ZNF280D: variants seen among roughly 807,000 people sequenced by gnomAD.
ZNF280D encodes the protein zinc finger protein 280D.
Under a neutral mutation model 94.7 loss-of-function variants are expected in ZNF280D, and 39 were observed. That is an observed-to-expected ratio of 0.41 (90% CI 0.32 to 0.54). ZNF280D has a LOEUF of 0.54. Among genes scored for constraint, ZNF280D ranks in the 20% least tolerant of loss-of-function variants. ZNF280D has a pLI of 0.22. For synonymous variants in ZNF280D, 398 were observed against 377.6 expected, an observed-to-expected ratio of 1.05 and a Z score of -0.63; for missense variants, 1,090 against 1,149.3, an observed-to-expected ratio of 0.95 and a Z score of 0.75.
At chr15:56,730,133 T>C (rs1455852554) in intron 1 of ZNF280D, 8 of 152,124 alleles carry the variant, frequency 5.3e-5, no homozygotes, top group African/African-American at 1.9e-4. Context: ...CCTCGTATAC[T>C]GAGGGTTAAG....
chr15:56,684,699 A>T (rs1440421927), intron 9 of ZNF280D, among the ~76,000 whole-genome samples: 1 of 152,102 alleles, frequency 6.6e-6, no homozygotes, highest in Non-Finnish European at 1.5e-5. Context: ...TAAAGGAAAC[A>T]TATTAGTAGG....
At chr15:56,706,308 C>G (rs2057399480) in intron 3 of ZNF280D, among the ~76,000 whole-genome samples, 1 of 150,328 alleles carries the variant, frequency 6.7e-6, no homozygotes, top group South Asian at 2.1e-4. Flanking sequence ...AACCCAGTCT[C>G]TACTAAAAAT....
chr15:56,667,472 A>C (rs1362855578), intron 14 of ZNF280D, among the ~76,000 whole-genome samples: 1 of 152,186 alleles, frequency 6.6e-6, no homozygotes, highest in African/African-American at 2.4e-5. Context: ...TACAAATGTT[A>C]TGGGAGGAGT....
At chr15:56,675,830 T>C (rs1277485602) in intron 13 of ZNF280D, among the ~76,000 whole-genome samples, 1 of 152,046 alleles carries the variant, frequency 6.6e-6, no homozygotes, top group Non-Finnish European at 1.5e-5. Context: ...TATTGAGCTT[T>C]GTAGTGAGTT....
intron 19 of ZNF280D, among the ~76,000 whole-genome samples, chr15:56,646,072 T>C (rs1488964345): frequency 6.6e-6 from 1 of 152,128 alleles, no homozygotes; most frequent in Non-Finnish European, 1.5e-5. Context: ...GTAAGCATAC[T>C]AAAAAAGTTG....
At chr15:56,727,039 C>T (rs375336026) in intron 1 of ZNF280D, among the ~76,000 whole-genome samples, 8 of 152,202 alleles carry the variant, frequency 5.3e-5, no homozygotes, top group African/African-American at 1.9e-4. Flanking sequence ...GGACAATAAA[C>T]CATGGGAAAG....
chr15:56,700,160 T>C, intron 6 of ZNF280D: 1 of 977,616 alleles, frequency 1.0e-6, no homozygotes, highest in Non-Finnish European at 1.2e-6. Flanking sequence ...AAGGCAATTC[T>C]TTCATGTCTA....
At chr15:56,721,946 A>G (rs1471033952) in intron 1 of ZNF280D, among the ~76,000 whole-genome samples, 2 of 152,142 alleles carry the variant, frequency 1.3e-5, no homozygotes, top group Non-Finnish European at 2.9e-5. Context: ...CTTCCTCACT[A>G]AGCTTAATAA....
At chr15:56,671,992 G>A (rs2140925610) in intron 13 of ZNF280D, among the ~76,000 whole-genome samples, 1 of 152,122 alleles carries the variant, frequency 6.6e-6, no homozygotes, top group East Asian at 1.9e-4. Flanking sequence ...GCCTGTTATT[G>A]GTATATAGAA....
At chr15:56,717,884 T>C (rs1324279495) in intron 1 of ZNF280D, among the ~76,000 whole-genome samples, 1 of 152,164 alleles carries the variant, frequency 6.6e-6, no homozygotes, top group African/African-American at 2.4e-5. Context: ...GCAGACTTCA[T>C]CTCAATATAA....
At chr15:56,718,747 C>T (rs2058180066) in intron 1 of ZNF280D, among the ~76,000 whole-genome samples, 1 of 152,178 alleles carries the variant, frequency 6.6e-6, no homozygotes, top group South Asian at 2.1e-4. Context: ...CAAAACTGAG[C>T]TGAGCACAGC....
intron 20 of ZNF280D, among the ~76,000 whole-genome samples, chr15:56,638,723 T>G (rs1002747984): frequency 2.0e-5 from 3 of 152,190 alleles, no homozygotes; most frequent in Non-Finnish European, 4.4e-5. Context: ...TATTTTTATT[T>G]TTGACAATAG....
At chr15:56,731,553 T>TG (rs35874546) in intron 1 of ZNF280D, among the ~76,000 whole-genome samples, 2 of 112,362 alleles carry the variant, frequency 1.8e-5, no homozygotes, top group South Asian at 6.0e-4. Context: ...TTTGAAGAAA[T>TG]GGGGGGAAAT....
At chr15:56,681,525 T>C (rs1474807645) in intron 10 of ZNF280D, among the ~76,000 whole-genome samples, 1 of 152,168 alleles carries the variant, frequency 6.6e-6, no homozygotes, top group African/African-American at 2.4e-5. Context: ...AAAATTTTTA[T>C]AGTAAAGTGA....
chr15:56,710,562 C>T (rs2057703651), intron 1 of ZNF280D, among the ~76,000 whole-genome samples: 1 of 152,008 alleles, frequency 6.6e-6, no homozygotes, highest in Non-Finnish European at 1.5e-5. Context: ...AAATTCCATT[C>T]ATTTATGGAT....
chr15:56,665,703 CAAAAA>C (rs71113013), intron 16 of ZNF280D, among the ~76,000 whole-genome samples: 2 of 86,434 alleles, frequency 2.3e-5, no homozygotes, highest in African/African-American at 4.6e-5. Context: ...GACTCCGTCT[CAAAAA>C]AAAAAAAAAA....
rs527506152 is a variant in ZNF280D at position 56,719,372 on chromosome 15, G to A, written c.-85-12066C>T. ...AACAAAAAACCAAAAAAAAAGCCTGGCACCTCCCTCCTCTTTCGCTTCCTC... is the reference window on the plus strand; with the variant it reads ...AACAAAAAACCAAAAAAAAAGCCTGACACCTCCCTCCTCTTTCGCTTCCTC... On this transcript the variant is annotated intron_variant, in intron 1 of 21. Transcript: ENST00000267807. Among the ~76,000 whole-genome samples the A allele has an allele frequency of 2.1e-3, 315 of 151,772 alleles. 1 individual carries two copies. The highest frequency in any genetic ancestry group is 7.4e-3 in the African/African-American group (308 of 41,364).
chr15:56,652,257 T>C (rs1435608546), intron 19 of ZNF280D, among the ~76,000 whole-genome samples: 1 of 152,156 alleles, frequency 6.6e-6, no homozygotes, highest in African/African-American at 2.4e-5. Flanking sequence ...GGCCTGCCTA[T>C]CCTTATGGCT....
In ZNF280D at chr15:56,707,417, C is replaced by T. The variant is rs1462943021; in HGVS notation, c.-85-111G>A. ...AATTATGTTTGATATATCTGATATACACATATAGTTCATTTTACATAATTG... is the reference window on the plus strand; with the variant it reads ...AATTATGTTTGATATATCTGATATATACATATAGTTCATTTTACATAATTG... On this transcript the variant is annotated intron_variant, in intron 1 of 21. Coordinates refer to ENST00000267807, the MANE Select transcript of ZNF280D (RefSeq NM_017661.4). 4.8e-6 allele frequency: 4 copies of T among 831,200 alleles called. No homozygotes were observed. In the African/African-American group the frequency reaches 5.2e-5, roughly 11 times the overall value. The allele number at this position is 831,200 out of a possible 1,614,324, so 51.5% of individuals were successfully genotyped here.
Sources: allele counts gnomAD v4.1 joint callset (sites outside exome capture counted in the v4.1 genomes callset), GRCh38; gene constraint gnomAD v4.1.1; transcripts MANE v1.5; gene names NCBI Gene and HGNC (gene_info 2026-07-23, HGNC 2026-07-21).